The following ZNF85 variants were observed in gnomAD, a reference collection of about 807,000 sequenced individuals.
The protein encoded by ZNF85 is zinc finger protein 85 (HPF4, HTF1).
Under a neutral mutation model 53.9 loss-of-function variants are expected in ZNF85, and 50 were observed. That is an observed-to-expected ratio of 0.93 (90% CI 0.74 to 1.17). The LOEUF (loss-of-function observed/expected upper bound fraction) is 1.17. Ranked by LOEUF, ZNF85 falls within the 50% of genes most tolerant of loss-of-function variation. The pLI is 0.00. For synonymous variants in ZNF85, 225 were observed against 226.1 expected (o/e 1.00, Z 0.04); for missense variants, 747 against 688.5 (o/e 1.08, Z -0.95).
At chr19:20,944,530 CAT>C (rs60574024) in intron 3 of ZNF85, among the ~76,000 whole-genome samples, 16,796 of 147,972 alleles carry the variant, frequency 0.11, 966 homozygotes, top group Middle Eastern at 0.14. Flanking sequence ...TAATTATAAA[CAT>C]ATTTTCAAGT....
At chr19:20,941,064 GAACATTTAT>G (rs1188862549) in intron 3 of ZNF85, among the ~76,000 whole-genome samples, 1 of 152,082 alleles carries the variant, frequency 6.6e-6, no homozygotes, top group Admixed American at 6.6e-5. Context: ...ATTATCTGAG[GAACATTTAT>G]AACATTTTAA....
At chr19:20,932,179 C>T (rs1973038784) in intron 1 of ZNF85, among the ~76,000 whole-genome samples, 2 of 152,068 alleles carry the variant, frequency 1.3e-5, no homozygotes. Context: ...CAAAGAATCT[C>T]ATCTGGAAAG....
chr19:20,946,396 G>A (rs776998286), intron 3 of ZNF85: 1 of 384,002 alleles, frequency 2.6e-6, no homozygotes. Flanking sequence ...AGAAGTAATT[G>A]TTTTATATTG....
At chr19:20,945,920 T>C (rs1392899748) in intron 3 of ZNF85, among the ~76,000 whole-genome samples, 3 of 152,262 alleles carry the variant, frequency 2.0e-5, no homozygotes, top group African/African-American at 7.2e-5. Context: ...TTATATGACA[T>C]GTACATTACG....
At chr19:20,924,587 A>ACAGTAAAATACTAAATTTC (rs1972837509) in intron 1 of ZNF85, among the ~76,000 whole-genome samples, 1 of 152,152 alleles carries the variant, frequency 6.6e-6, no homozygotes, top group African/African-American at 2.4e-5. Context: ...ACTCTGATTT[A>ACAGTAAAATACTAAATTTC]CAGTAAAATA....
At position 20,949,563 on chromosome 19, in the gene ZNF85, C is replaced by T. The variant is rs1033371448; in HGVS notation, c.1049C>T (p.Ala350Val). 8.8e-6 allele frequency: 14 copies of T among 1,598,210 alleles called. No individual in the cohort carries two copies. In the African/African-American group the frequency reaches 1.6e-4, roughly 18 times the overall value. Residue 350 changes from alanine to valine, a missense_variant, in exon 4 of 4, where the codon GCC (alanine) becomes GTC (valine). Physicochemically the swap from Ala to Val is moderately conservative, Grantham distance 64. Transcript: ENST00000328178. ...TACAAATGTAAAAAATGTGGAAAAG[C>T]CTTTAACCAGTCTGCACACCTTACC... ...KPYKCKKCGK[A>V]FNQSAHLTTH...
intron 3 of ZNF85, among the ~76,000 whole-genome samples, chr19:20,941,193 G>T: frequency 6.6e-6 from 1 of 152,066 alleles, no homozygotes; most frequent in East Asian, 1.9e-4. Context: ...ATTCTGATGG[G>T]TGTGAAGTGA....
intron 3 of ZNF85, chr19:20,943,273 G>A (rs1211057416): frequency 6.2e-6 from 1 of 160,156 alleles, no homozygotes; most frequent in Non-Finnish European, 1.4e-5. Context: ...GTTGGATGTG[G>A]AACCTGGTGG....
rs1321146661 is a variant in ZNF85, at chr19:20,923,387, C to T, written c.-14C>T. ...TCCACAGCTAAGACGCCGGGACCCCCTGGAAGCCTAGAAATGGTGAGAGTG... is the reference window on the plus strand; with the variant it reads ...TCCACAGCTAAGACGCCGGGACCCCTTGGAAGCCTAGAAATGGTGAGAGTG... On this transcript the variant is annotated 5_prime_UTR_variant, in exon 1 of 4. Transcript: ENST00000328178. 1.2e-6 allele frequency: 2 copies of T among 1,614,170 alleles called. No individual in the cohort carries two copies. The highest frequency in any genetic ancestry group is 2.2e-5 in the East Asian group (1 of 44,886).
In ZNF85 at chr19:20,923,268, C is replaced by G; in HGVS notation, c.-133C>G. 4.2e-6 allele frequency: 6 copies of G among 1,419,566 alleles called. No individual in the cohort carries two copies. The highest frequency in any genetic ancestry group is 4.9e-6 in the Non-Finnish European group (5 of 1,025,168). 87.9% of individuals were successfully genotyped at this position (1,419,566 alleles called of 1,614,324 possible). On this transcript the variant is annotated 5_prime_UTR_variant, in exon 1 of 4. Transcript: ENST00000328178. The stretch of plus-strand genomic sequence containing the variant: ...GTGGCGGGGCCTTTGTCTCTCGCTG[C>G]AGCCTGAGCTCTAGGTCTTGTTTTC...
Position 20,949,845 on chromosome 19 carries a change from A to G in ZNF85, c.1331A>G (p.His444Arg), listed in dbSNP as rs771771623. The G allele has an allele frequency of 1.4e-5, 23 of 1,612,548 alleles. No individual in the cohort carries two copies. In the South Asian group the frequency reaches 1.8e-4, roughly 12 times the overall value. ...AACCAATCCTCAAAACTTACTGAACATAAGAAAATTCATACTGGAGAGAAA... is the reference window on the plus strand; with the variant it reads ...AACCAATCCTCAAAACTTACTGAACGTAAGAAAATTCATACTGGAGAGAAA... Reference protein sequence around the residue: ...AFNQSSKLTEHKKIHTGEKPY... With the variant: ...AFNQSSKLTERKKIHTGEKPY... The change falls in exon 4 of 4, where the codon CAT becomes CGT. Residue 444 changes from histidine (H) to arginine (R), a missense_variant. By Grantham distance (29) the His-to-Arg change is conservative. Coordinates refer to ENST00000328178, the MANE Select transcript of ZNF85 (RefSeq NM_003429.5).
At chr19:20,928,617 A>C (rs1014539556) in intron 1 of ZNF85, 1 of 152,326 alleles carries the variant, frequency 6.6e-6, no homozygotes, top group Non-Finnish European at 1.5e-5. Context: ...TCACCACAGC[A>C]TTGTGGATCC....
intron 1 of ZNF85, among the ~76,000 whole-genome samples, chr19:20,932,072 G>A (rs1973036138): frequency 1.3e-5 from 2 of 152,230 alleles, no homozygotes; most frequent in Middle Eastern, 3.4e-3. Flanking sequence ...TTTTCTGCAG[G>A]TCTTGATCCT....
chr19:20,935,927 C>T (rs372158086), intron 3 of ZNF85, among the ~76,000 whole-genome samples: 1 of 152,088 alleles, frequency 6.6e-6, no homozygotes, highest in Admixed American at 6.6e-5. Context: ...AATATTTATC[C>T]TTTCAATGCA....
rs757973978 is a variant in ZNF85 at position 20,948,995 on chromosome 19, TCAAA to T, written c.484_487del (p.Asn162AspfsTer4). On this transcript the variant is annotated frameshift_variant, in exon 4 of 4. Transcript: ENST00000328178. LOFTEE classifies it high-confidence loss of function. The stretch of plus-strand genomic sequence containing the variant: ...AAAAGTCGCTCATAAATTTTCAAAT[TCAAA>T]CAGACATGAGATAAGACATACTAAA... 3 of 1,613,548 alleles carry T rather than the reference TCAAA, an allele frequency of 1.9e-6. No individual in the cohort carries two copies. The highest frequency in any genetic ancestry group is 2.5e-6 in the Non-Finnish European group (3 of 1,179,726).
intron 1 of ZNF85, among the ~76,000 whole-genome samples, chr19:20,929,275 G>A (rs1386089926): frequency 2.7e-5 from 4 of 150,482 alleles, no homozygotes; most frequent in African/African-American, 2.5e-5. Context: ...TGCAACCTCC[G>A]CCTCCCAGGT....
chr19:20,946,938 A>G (rs765274644), intron 3 of ZNF85, among the ~76,000 whole-genome samples: 1 of 151,508 alleles, frequency 6.6e-6, no homozygotes, highest in Non-Finnish European at 1.5e-5. Context: ...AACTTTATGT[A>G]TATTTAATTT....
At chr19:20,926,470 T>C (rs1466031980) in intron 1 of ZNF85, among the ~76,000 whole-genome samples, 2 of 152,166 alleles carry the variant, frequency 1.3e-5, no homozygotes, top group Non-Finnish European at 2.9e-5. Context: ...ATATGAACAC[T>C]GTGTTTGAGT....
intron 1 of ZNF85, among the ~76,000 whole-genome samples, chr19:20,929,540 C>T (rs949857028): frequency 6.6e-6 from 1 of 151,732 alleles, no homozygotes; most frequent in Non-Finnish European, 1.5e-5. Flanking sequence ...ATAAAATTAC[C>T]CTAGAAAACC....
Sources: gnomAD v4.1 joint callset for allele counts (sites outside exome capture counted in the v4.1 genomes callset) on GRCh38, gnomAD v4.1.1 for gene constraint, MANE v1.5 for transcripts, NCBI Gene and HGNC (gene_info 2026-07-23, HGNC 2026-07-21) for gene names.